P2RX4: variants seen among roughly 807,000 people sequenced by gnomAD.
P2RX4 encodes the protein purinergic receptor P2X 4.
A neutral mutation model predicts 48.0 loss-of-function variants in P2RX4; 37 were observed. That is an observed-to-expected ratio of 0.77 (90% CI 0.59 to 1.01). The LOEUF is 1.01. Among genes scored for constraint, P2RX4 ranks in the 50% least tolerant of loss-of-function variants. P2RX4 has a pLI of 0.00. For synonymous variants in P2RX4, 200 were observed against 199.7 expected (o/e 1.00, Z -0.01); for missense variants, 501 against 521.4 (o/e 0.96, Z 0.38).
chr12:121,222,005 G>C (rs371516499), intron 3 of P2RX4, 21 bp downstream of exon 3: 420 of 1,610,694 alleles, frequency 2.6e-4, no homozygotes, highest in Non-Finnish European at 3.3e-4. Flanking sequence ...CCCGGGAAGA[G>C]CCCCAGGCCC....
At chr12:121,218,378 G>C (rs925696946) in intron 2 of P2RX4, among the ~76,000 whole-genome samples, 3 of 152,080 alleles carry the variant, frequency 2.0e-5, no homozygotes, top group Non-Finnish European at 4.4e-5. Flanking sequence ...CAGCTACTAG[G>C]GAGGCTGAGG....
chr12:121,220,894 C>T (rs964827807), intron 2 of P2RX4, among the ~76,000 whole-genome samples: 31 of 152,236 alleles, frequency 2.0e-4, no homozygotes, highest in African/African-American at 6.5e-4. Flanking sequence ...TCCTGTGTGG[C>T]CTTTGTGTCT....
Position 121,228,792 on chromosome 12 carries a change from C to G in P2RX4, c.673C>G (p.Pro225Ala). The change falls in exon 7 of 12, where the codon CCC becomes GCC. Residue 225 changes from proline to alanine, a missense_variant. Around this residue, in one of 3 missense-constraint regions of P2RX4, gnomAD observed 9 missense variants for 26.6 expected, o/e 0.34. Transcript: ENST00000337233. ...GTGCATTTATGATGCTAAAACAGAT[C>G]CCTTCTGCCCCATATTCCGTCTTGG... ...KSCIYDAKTD[P>A]FCPIFRLGKI... 6.2e-7 allele frequency: 1 copy of G among 1,614,126 alleles called. No individual in the cohort carries two copies. Among genetic ancestry groups the G allele is most frequent in the South Asian group, 1.1e-5 (1 of 91,078 alleles).
At position 121,233,706 on chromosome 12, in the gene P2RX4, G is replaced by A; in HGVS notation, c.*157G>A. 6.6e-7 allele frequency: 1 copy of A among 1,508,192 alleles called. No homozygotes were observed. The highest frequency in any genetic ancestry group is 2.5e-5 in the East Asian group (1 of 40,520). The allele number at this position is 1,508,192 out of a possible 1,614,324, so 93.4% of individuals were successfully genotyped here. On this transcript the variant is annotated 3_prime_UTR_variant, in exon 12 of 12. Transcript: ENST00000337233. ...GGTTCCCCAGCAGCTCCTGTGTGTT[G>A]TGTGCAGGATCTGTTTGCCCACTCG...
At chr12:121,210,376 G>C (rs959455050) in intron 1 of P2RX4, 78 bp downstream of exon 1, 3 of 1,327,462 alleles carry the variant, frequency 2.3e-6, no homozygotes, top group Non-Finnish European at 9.7e-7. Flanking sequence ...TCCTGGCCTC[G>C]GTCACCTGGG....
At position 121,232,796 on chromosome 12, in the gene P2RX4, C is replaced by T; in HGVS notation, c.1044+120C>T. On this transcript the variant is annotated intron_variant, in intron 10 of 11. Coordinates refer to ENST00000337233, the MANE Select transcript of P2RX4 (RefSeq NM_002560.3). This position sits in a 1 kb window ranked among gnomAD's most constrained non-coding sequence, Gnocchi z 4.3. The stretch of plus-strand genomic sequence containing the variant: ...TTTCTAAACTTGACCCTCCTACCTT[C>T]TTTCCCTTGGCCCCCAGCCCTCCTC... The T allele has an allele frequency of 2.1e-6, 2 of 972,142 alleles. No homozygotes were observed. Among genetic ancestry groups the T allele is most frequent in the Non-Finnish European group, 3.3e-6 (2 of 608,530 alleles). 60.2% of individuals were successfully genotyped at this position (972,142 alleles called of 1,614,324 possible).
intron 8 of P2RX4, among the ~76,000 whole-genome samples, chr12:121,230,978 ATATAT>A (rs1887312408): frequency 7.7e-6 from 1 of 129,034 alleles, no homozygotes; most frequent in Non-Finnish European, 1.6e-5. Flanking sequence ...CATTATATAT[ATATAT>A]TTTTTTTTTT....
intron 2 of P2RX4, among the ~76,000 whole-genome samples, chr12:121,219,014 G>A (rs1010565696): frequency 2.0e-5 from 3 of 152,070 alleles, no homozygotes; most frequent in Non-Finnish European, 4.4e-5. Context: ...AACAGAGCAA[G>A]ACCCCAACTC....
intron 5 of P2RX4, among the ~76,000 whole-genome samples, 166 bp from the exon 6 acceptor site, chr12:121,228,367 C>CAAAAAA (rs1178066693): frequency 4.9e-5 from 4 of 81,020 alleles, no homozygotes; most frequent in Non-Finnish European, 9.3e-5. Context: ...GACTCCATCT[C>CAAAAAA]AAAAAAAAAA....
At chr12:121,212,113 G>C (rs981808177) in intron 1 of P2RX4, among the ~76,000 whole-genome samples, 11 of 152,212 alleles carry the variant, frequency 7.2e-5, no homozygotes, top group African/African-American at 2.7e-4. Flanking sequence ...CTGAGGAATT[G>C]TTTAAAAGTA....
intron 8 of P2RX4, among the ~76,000 whole-genome samples, chr12:121,231,812 T>C (rs1887376870): frequency 6.6e-6 from 1 of 152,060 alleles, no homozygotes; most frequent in Admixed American, 6.6e-5. Context: ...GAGACCATCA[T>C]GGCCAACTTG....
Position 121,232,710 on chromosome 12 carries a change from G to A in P2RX4, c.1044+34G>A. The A allele has an allele frequency of 6.4e-7, 1 of 1,561,928 alleles. No homozygotes were observed. Among genetic ancestry groups the A allele is most frequent in the Non-Finnish European group, 8.8e-7 (1 of 1,132,540 alleles). On this transcript the variant is annotated intron_variant, in intron 10 of 11. Coordinates refer to ENST00000337233, the MANE Select transcript of P2RX4 (RefSeq NM_002560.3). The surrounding 1 kb of genome is among the most constrained non-coding windows in gnomAD (Gnocchi z 4.3). The stretch of plus-strand genomic sequence containing the variant: ...TTTAGGCCCTGCCTTCACCCTCACG[G>A]TGAGGTGAGACCCTGGGCTGGGGTC...
rs568338758 is a variant in P2RX4 at position 121,222,340 on chromosome 12, A to G, written c.427+174A>G. On this transcript the variant is annotated intron_variant, in intron 4 of 11. Transcript: ENST00000337233. ...TCACTGCTGTCATTGGAGCCCCACA[A>G]GCCATCCCAGCTCTTGCCCTACTGT... 1.8e-4 allele frequency: 106 copies of G among 604,240 alleles called. 3 individuals carry two copies. In the South Asian group the frequency reaches 2.0e-3, roughly 11 times the overall value. The allele number at this position is 604,240 out of a possible 1,614,324, so 37.4% of individuals were successfully genotyped here. A position where few individuals can be genotyped will look rare whatever the true frequency, so the allele number is the denominator to read the frequency against.
In P2RX4 at chr12:121,232,223, G is replaced by A; in HGVS notation, c.885-191G>A. 2 of 604,266 alleles carry A rather than the reference G, an allele frequency of 3.3e-6. No homozygotes were observed. The highest frequency in any genetic ancestry group is 5.9e-6 in the Non-Finnish European group (2 of 339,558). The allele number at this position is 604,266 out of a possible 1,614,324, so 37.4% of individuals were successfully genotyped here. A position where few individuals can be genotyped will look rare whatever the true frequency, so the allele number is the denominator to read the frequency against. On this transcript the variant is annotated intron_variant, in intron 8 of 11. Coordinates refer to ENST00000337233, the MANE Select transcript of P2RX4 (RefSeq NM_002560.3). This position sits in a 1 kb window ranked among gnomAD's most constrained non-coding sequence, Gnocchi z 4.3. ...GAGGAGGAGGTCTCCCTGTGCCCCT[G>A]TACCTCGTGGGCCCCGCATCCTCCT...
At chr12:121,225,875 T>C (rs1378588601) in intron 5 of P2RX4, among the ~76,000 whole-genome samples, 1 of 152,148 alleles carries the variant, frequency 6.6e-6, no homozygotes, top group Non-Finnish European at 1.5e-5. Flanking sequence ...GGCTTGTAGT[T>C]GTGTCTCATA....
At chr12:121,224,529 G>A (rs1886854332) in intron 5 of P2RX4, among the ~76,000 whole-genome samples, 1 of 152,094 alleles carries the variant, frequency 6.6e-6, no homozygotes, top group Admixed American at 6.6e-5. Context: ...TTGAACCCGG[G>A]AAGTGGAGGT....
chr12:121,227,916 T>C (rs979594583), intron 5 of P2RX4, among the ~76,000 whole-genome samples: 1 of 146,272 alleles, frequency 6.8e-6, no homozygotes, highest in Admixed American at 6.9e-5. Flanking sequence ...GAAGACTTCA[T>C]GTCTACAAAA....
chr12:121,220,433 G>A (rs1445648949), intron 2 of P2RX4, among the ~76,000 whole-genome samples: 1 of 151,930 alleles, frequency 6.6e-6, no homozygotes, highest in Non-Finnish European at 1.5e-5. Context: ...GCCAGGAGTT[G>A]GAGACCAGCC....
At chr12:121,212,822 ATATTTT>A in intron 1 of P2RX4, 1 of 42,804 alleles carries the variant, frequency 2.3e-5, no homozygotes, top group African/African-American at 1.4e-4. Flanking sequence ...ATATATATAT[ATATTTT>A]TTTTTTTTTT....
Sources: gnomAD v4.1 joint callset for allele counts (sites outside exome capture counted in the v4.1 genomes callset) on GRCh38, gnomAD v4.1.1 for gene constraint, gnomAD v4.1.1 regional missense constraint, Gnocchi (gnomAD v3.1) non-coding constraint, MANE v1.5 for transcripts, NCBI Gene and HGNC (gene_info 2026-07-23, HGNC 2026-07-21) for gene names.